The following TACC1 variants were observed in gnomAD, a reference collection of about 807,000 sequenced individuals.
TACC1 encodes transforming acidic coiled-coil containing protein 1.
In TACC1, 48 loss-of-function variants were observed where a neutral mutation model predicts 84.4. The ratio of observed to expected loss-of-function variants is 0.57; its 90% CI spans 0.45 to 0.72. The LOEUF is 0.72. Among genes scored for constraint, TACC1 ranks in the 30% least tolerant of loss-of-function variants. TACC1 has a pLI of 0.00. For missense variants in TACC1, 920 were observed against 973.0 expected (o/e 0.95, Z 0.72); for synonymous variants, 372 against 376.3 (o/e 0.99, Z 0.13).
chr8:38,785,619 A>G, upstream of TACC1: 2 of 854,402 alleles, frequency 2.3e-6, no homozygotes, highest in Non-Finnish European at 2.8e-6. Flanking sequence ...TTCAGGAGGA[A>G]GAACAGGTCC....
chr8:38,837,824 T>C (rs1321125300), intron 7 of TACC1, among the ~76,000 whole-genome samples: 1 of 152,064 alleles, frequency 6.6e-6, no homozygotes, highest in East Asian at 1.9e-4. Flanking sequence ...CCAGGGCAAA[T>C]AGAGTTTGAG....
In TACC1 at chr8:38,831,137, A is replaced by G; in HGVS notation, c.1673A>G (p.Glu558Gly). The G allele has an allele frequency of 1.2e-6, 2 of 1,614,208 alleles. No individual in the cohort carries two copies. The highest frequency in any genetic ancestry group is 1.7e-6 in the Non-Finnish European group (2 of 1,180,016). Residue 558 changes from glutamate (E) to glycine (G), a missense_variant, in exon 6 of 13, where the codon GAG becomes GGG. Around this residue, in one of 2 missense-constraint regions of TACC1, gnomAD observed 762 missense variants for 747.3 expected, o/e 1.02. Coordinates refer to ENST00000317827, the MANE Select transcript of TACC1 (RefSeq NM_006283.3). Reference protein sequence around the residue: ...FSSSEAGIEKETCQKMEEDGS... With the variant: ...FSSSEAGIEKGTCQKMEEDGS... The stretch of plus-strand genomic sequence containing the variant: ...CTTTCTGTCTTAGGCATAGAGAAGG[A>G]GACGTGCCAGAAGATGGAAGAAGAC...
intron 9 of TACC1, among the ~76,000 whole-genome samples, chr8:38,841,665 A>G (rs1831296239): frequency 6.6e-6 from 1 of 152,166 alleles, no homozygotes; most frequent in Non-Finnish European, 1.5e-5. Context: ...GCAGGCCTTG[A>G]ATTCTGTGAC....
intron 12 of TACC1, 29 bp from the exon 13 acceptor site, chr8:38,847,926 C>T: frequency 6.3e-7 from 1 of 1,595,414 alleles, no homozygotes; most frequent in Middle Eastern, 1.7e-4. Flanking sequence ...TACAAAGTGG[C>T]CTGCATAATT....
chr8:38,847,411 C>T (rs1384837025), intron 12 of TACC1, among the ~76,000 whole-genome samples: 1 of 152,226 alleles, frequency 6.6e-6, no homozygotes, highest in Non-Finnish European at 1.5e-5. Context: ...AAAACCAGGA[C>T]TAGCAACAAT....
rs112902111 is a variant in TACC1 at position 38,770,622 on chromosome 8, C to T, written c.27-18082C>T. Among the ~76,000 whole-genome samples, 44 of 152,312 alleles carry T rather than the reference C, an allele frequency of 2.9e-4. 4 individuals carry two copies. Among genetic ancestry groups the T allele is most frequent in the African/African-American group, 9.9e-4 (41 of 41,580 alleles). ...GGAGCAGTGCCCTTGGAGTGCCCTGCTCTTGCTGAGAGCCGCACGATAGAT... is the reference window on the plus strand; with the variant it reads ...GGAGCAGTGCCCTTGGAGTGCCCTGTTCTTGCTGAGAGCCGCACGATAGAT... On this transcript the variant is annotated intron_variant, in intron 3 of 14. Transcript: ENST00000518415.
At chr8:38,764,688 C>T (rs1206427476) in intron 3 of TACC1, among the ~76,000 whole-genome samples, 2 of 152,110 alleles carry the variant, frequency 1.3e-5, no homozygotes, top group East Asian at 1.9e-4. Context: ...AGGTCTTGGC[C>T]GTGCGCAGTG....
At chr8:38,826,837 G>C (rs1292555190) in intron 4 of TACC1, among the ~76,000 whole-genome samples, 1 of 152,044 alleles carries the variant, frequency 6.6e-6, no homozygotes, top group Non-Finnish European at 1.5e-5. Flanking sequence ...AAAATGCAAT[G>C]GGGGACATAG....
intron 2 of TACC1, among the ~76,000 whole-genome samples, chr8:38,793,232 A>G (rs1383203933): frequency 6.6e-6 from 1 of 152,154 alleles, no homozygotes; most frequent in African/African-American, 2.4e-5. Flanking sequence ...GATAAATGGG[A>G]TCTGTGCACA....
intron 2 of TACC1, 59 bp from the exon 3 acceptor site, chr8:38,819,463 G>C (rs1826163952): frequency 6.6e-7 from 1 of 1,504,960 alleles, no homozygotes; most frequent in Non-Finnish European, 9.0e-7. Context: ...TCAGGTAAGA[G>C]AGGATACTTA....
At chr8:38,740,396 C>T (rs186325602) in intron 1 of TACC1, among the ~76,000 whole-genome samples, 56 of 152,324 alleles carry the variant, frequency 3.7e-4, no homozygotes, top group African/African-American at 1.3e-3. Context: ...CCCCAGGGAC[C>T]ATTCCTGGAG....
chr8:38,835,867 G>C (rs1364042854), intron 6 of TACC1, among the ~76,000 whole-genome samples: 2 of 152,152 alleles, frequency 1.3e-5, no homozygotes, highest in African/African-American at 4.8e-5. Flanking sequence ...TATCCATGTG[G>C]TTCTTTGGTG....
At position 38,787,762 on chromosome 8, in the gene TACC1, C is replaced by T; in HGVS notation, c.161+19C>T. 2 of 1,504,130 alleles carry T rather than the reference C, an allele frequency of 1.3e-6. No individual in the cohort carries two copies. The highest frequency in any genetic ancestry group is 1.8e-6 in the Non-Finnish European group (2 of 1,134,986). 93.2% of individuals were successfully genotyped at this position (1,504,130 alleles called of 1,614,324 possible). On this transcript the variant is annotated intron_variant, in intron 1 of 12. Transcript: ENST00000317827. The stretch of plus-strand genomic sequence containing the variant: ...GTTTCAGGCAAGTACACGGCGTCCC[C>T]GCTGAGATGCAGACGCGCTTGCCTC...
At chr8:38,792,993 C>T (rs943746663) in intron 2 of TACC1, among the ~76,000 whole-genome samples, 2 of 152,100 alleles carry the variant, frequency 1.3e-5, no homozygotes, top group Non-Finnish European at 2.9e-5. Context: ...CCCTCTGCCC[C>T]TTGAGTTTCT....
chr8:38,744,805 A>G (rs7845067), intron 2 of TACC1: 94,985 of 149,022 alleles, frequency 0.64, 30,631 homozygotes, highest in East Asian at 0.88. Flanking sequence ...GGGGGCGGGT[A>G]ATAAAACTGA....
chr8:38,840,020 CA>C (rs1830908598), intron 8 of TACC1: 1 of 258,648 alleles, frequency 3.9e-6, no homozygotes, highest in Admixed American at 7.9e-5. Flanking sequence ...AAAATCTTAA[CA>C]AAAACCTTTT....
At chr8:38,770,617 C>T (rs961163247) in intron 3 of TACC1, among the ~76,000 whole-genome samples, 1 of 152,184 alleles carries the variant, frequency 6.6e-6, no homozygotes, top group Non-Finnish European at 1.5e-5. Flanking sequence ...CCTTGGAGTG[C>T]CCTGCTCTTG....
intron 3 of TACC1, among the ~76,000 whole-genome samples, chr8:38,769,698 G>A (rs1813141094): frequency 2.1e-5 from 3 of 139,730 alleles, no homozygotes; most frequent in African/African-American, 8.0e-5. Flanking sequence ...TGGTGTGTGT[G>A]ATTGTGTGTG....
At chr8:38,741,762 C>CA (rs952365130) in intron 1 of TACC1, among the ~76,000 whole-genome samples, 2 of 151,830 alleles carry the variant, frequency 1.3e-5, no homozygotes, top group African/African-American at 4.8e-5. Context: ...AGATGAGACC[C>CA]AAAAAAATAC....
Sources: gnomAD v4.1 joint callset for allele counts (sites outside exome capture counted in the v4.1 genomes callset) on GRCh38, gnomAD v4.1.1 for gene constraint, gnomAD v4.1.1 regional missense constraint, MANE v1.5 for transcripts, NCBI Gene and HGNC (gene_info 2026-07-23, HGNC 2026-07-21) for gene names.